PTPRG: variants seen among roughly 807,000 people sequenced by gnomAD.
PTPRG encodes receptor-type tyrosine-protein phosphatase gamma.
Under a neutral mutation model 165.3 loss-of-function variants are expected in PTPRG, and 102 were observed. The ratio of observed to expected loss-of-function variants is 0.62; its 90% CI spans 0.53 to 0.73. The LOEUF (loss-of-function observed/expected upper bound fraction) is 0.73. Among genes scored for constraint, PTPRG ranks in the 30% least tolerant of loss-of-function variants. The probability of loss-of-function intolerance (pLI) is 0.00; values close to 1 mark genes in which losing one functional copy is unlikely to be tolerated. For synonymous variants in PTPRG, 675 were observed against 669.5 expected (o/e 1.01, Z -0.13); for missense variants, 1,866 against 1,861.4 (o/e 1.00, Z -0.05).
chr3:61,742,376 G>A lies in PTPRG; in HGVS notation c.86-6502G>A, dbSNP rs891131692. 5.1e-5 allele frequency: 53 copies of A among 1,035,376 alleles called. No homozygotes were observed. In the African/African-American group the frequency reaches 7.5e-4, roughly 15 times the overall value. The allele number at this position is 1,035,376 out of a possible 1,614,324, so 64.1% of individuals were successfully genotyped here. On this transcript the variant is annotated intron_variant, in intron 1 of 29. Coordinates refer to ENST00000474889, the MANE Select transcript of PTPRG (RefSeq NM_002841.4). ...AGGTGACTCTTAGGACATTTTTATAGGAAGAAATTGGGCCTTTGGGTCTGG... is the reference window on the plus strand; with the variant it reads ...AGGTGACTCTTAGGACATTTTTATAAGAAGAAATTGGGCCTTTGGGTCTGG...
At chr3:62,114,320 A>C (rs527917026) in intron 5 of PTPRG, among the ~76,000 whole-genome samples, 37 of 152,242 alleles carry the variant, frequency 2.4e-4, no homozygotes, top group South Asian at 2.3e-3. Flanking sequence ...AACAAACAAA[A>C]AAAAAACGTA....
chr3:62,144,587 A>G (rs1012674013), intron 6 of PTPRG, among the ~76,000 whole-genome samples: 1 of 152,216 alleles, frequency 6.6e-6, no homozygotes, highest in Non-Finnish European at 1.5e-5. Context: ...TGCTATAAAT[A>G]TGCAGCACCC....
In PTPRG at chr3:62,219,652, T is replaced by C. The variant is rs1048565530; in HGVS notation, c.2288+669T>C. On this transcript the variant is annotated intron_variant, in intron 13 of 29. Coordinates refer to ENST00000474889, the MANE Select transcript of PTPRG (RefSeq NM_002841.4). This position sits in a 1 kb window ranked among gnomAD's most constrained non-coding sequence, Gnocchi z 4.5. ...CTCGTTTGGCCTGGGTGCCCTCACC[T>C]CTCAGACTAACGTAGGAGGCTTCTG... Among the ~76,000 whole-genome samples, 1 of 152,174 alleles carries C rather than the reference T, an allele frequency of 6.6e-6. No homozygotes were observed. Among genetic ancestry groups the C allele is most frequent in the Admixed American group, 6.5e-5 (1 of 15,292 alleles).
intron 2 of PTPRG, among the ~76,000 whole-genome samples, chr3:61,911,469 A>T (rs1450244933): frequency 6.6e-6 from 1 of 152,196 alleles, no homozygotes; most frequent in Non-Finnish European, 1.5e-5. Context: ...TGCTTTTCAC[A>T]TTCACTATGA....
At chr3:62,109,702 C>G (rs1702598758) in intron 5 of PTPRG, among the ~76,000 whole-genome samples, 1 of 152,158 alleles carries the variant, frequency 6.6e-6, no homozygotes, top group Non-Finnish European at 1.5e-5. Flanking sequence ...CTGTAGGCAG[C>G]TGATCAGCAA....
intron 2 of PTPRG, among the ~76,000 whole-genome samples, chr3:61,888,826 T>C (rs1366647258): frequency 6.6e-6 from 1 of 152,190 alleles, no homozygotes; most frequent in Non-Finnish European, 1.5e-5. Flanking sequence ...TAGTCTCTCT[T>C]AATCTGGAAC....
intron 1 of PTPRG, among the ~76,000 whole-genome samples, chr3:61,571,571 A>G (rs1212097596): frequency 6.6e-6 from 1 of 152,198 alleles, no homozygotes; most frequent in Non-Finnish European, 1.5e-5. Context: ...CTTTCAGCAA[A>G]TTACTTTAGC....
rs561642434 is a variant in PTPRG, at chr3:62,033,046, T to A, written c.519+29549T>A. On this transcript the variant is annotated intron_variant, in intron 4 of 29. Transcript: ENST00000474889. ...TTGGATGTTCAATTTGCCTGTGACA[T>A]GCTGGTATAGATGCCCTATAAAAGT... Among the ~76,000 whole-genome samples the A allele has an allele frequency of 9.2e-5, 14 of 152,318 alleles. No homozygotes were observed. The South Asian group carries it at 1.2e-3, about 14-fold the overall frequency.
chr3:62,122,681 A>G (rs1332683830), intron 5 of PTPRG, among the ~76,000 whole-genome samples: 1 of 152,172 alleles, frequency 6.6e-6, no homozygotes, highest in Admixed American at 6.5e-5. Flanking sequence ...AGAATTGATT[A>G]TCGATGTTTA....
intron 2 of PTPRG, among the ~76,000 whole-genome samples, chr3:61,988,893 C>G (rs1271234336): frequency 6.6e-6 from 1 of 152,114 alleles, no homozygotes; most frequent in African/African-American, 2.4e-5. Flanking sequence ...CTGATTGGTA[C>G]CTATTAGAAT....
intron 2 of PTPRG, among the ~76,000 whole-genome samples, chr3:61,765,907 T>A (rs1204402932): frequency 6.6e-6 from 1 of 152,164 alleles, no homozygotes; most frequent in Non-Finnish European, 1.5e-5. Flanking sequence ...TCCCAAACCC[T>A]CTTGTAGATA....
At chr3:61,654,492 C>T (rs1206788125) in intron 1 of PTPRG, among the ~76,000 whole-genome samples, 1 of 152,024 alleles carries the variant, frequency 6.6e-6, no homozygotes, top group Non-Finnish European at 1.5e-5. Flanking sequence ...TCAAGCAATT[C>T]TCATACCTCA....
chr3:61,825,016 G>C (rs1483335943), intron 2 of PTPRG, among the ~76,000 whole-genome samples: 1 of 152,184 alleles, frequency 6.6e-6, no homozygotes, highest in Admixed American at 6.6e-5. Flanking sequence ...GGGCAGTGCA[G>C]AATGGGAAGC....
At chr3:61,588,394 T>TA (rs1700487947) in intron 1 of PTPRG, among the ~76,000 whole-genome samples, 1 of 152,068 alleles carries the variant, frequency 6.6e-6, no homozygotes, top group Non-Finnish European at 1.5e-5. Flanking sequence ...TTTTTTTTTT[T>TA]ATCTTGAGAC....
chr3:61,773,555 G>C lies in PTPRG; in HGVS notation c.190+24573G>C, dbSNP rs565546471. Among the ~76,000 whole-genome samples the C allele has an allele frequency of 3.3e-5, 5 of 152,244 alleles. No homozygotes were observed. The East Asian group carries it at 9.7e-4, about 29-fold the overall frequency. On this transcript the variant is annotated intron_variant, in intron 2 of 29. Coordinates refer to ENST00000474889, the MANE Select transcript of PTPRG (RefSeq NM_002841.4). Reference sequence around the variant, plus strand: ...TATTGAGCATTTCTTTTGTGTAAAAGTGTTTTAGGTTAGTAATGTCTTTTA... The same window carrying C: ...TATTGAGCATTTCTTTTGTGTAAAACTGTTTTAGGTTAGTAATGTCTTTTA...
intron 13 of PTPRG, among the ~76,000 whole-genome samples, chr3:62,230,485 T>C (rs1260759539): frequency 6.6e-6 from 1 of 152,224 alleles, no homozygotes; most frequent in East Asian, 1.9e-4. Context: ...TGAAATCCTA[T>C]AGCCCAGCTG....
At chr3:61,742,003 A>C (rs1371846728) in intron 1 of PTPRG, among the ~76,000 whole-genome samples, 1 of 152,194 alleles carries the variant, frequency 6.6e-6, no homozygotes, top group Non-Finnish European at 1.5e-5. Context: ...TGACCCTTTC[A>C]TCTCTCTGAG....
intron 26 of PTPRG, among the ~76,000 whole-genome samples, chr3:62,280,903 T>C (rs1003559451): frequency 6.6e-6 from 1 of 151,824 alleles, no homozygotes; most frequent in Non-Finnish European, 1.5e-5. Context: ...AAACAACAGA[T>C]GAGGAAGAAC....
At chr3:61,968,029 A>G (rs1488612887) in intron 2 of PTPRG, among the ~76,000 whole-genome samples, 1 of 152,140 alleles carries the variant, frequency 6.6e-6, no homozygotes, top group African/African-American at 2.4e-5. Context: ...TATATCAAGC[A>G]CGTCTTATTG....
Sources: gnomAD v4.1 joint callset for allele counts (sites outside exome capture counted in the v4.1 genomes callset) on GRCh38, gnomAD v4.1.1 for gene constraint, Gnocchi (gnomAD v3.1) non-coding constraint, MANE v1.5 for transcripts, NCBI Gene and HGNC (gene_info 2026-07-23, HGNC 2026-07-21) for gene names.